Variants in KRAS observed in about 807,000 individuals in gnomAD.
The protein encoded by KRAS is KRas proto-oncogene, GTPase, also known as GTPase KRas.
KRAS carries 1 observed loss-of-function variant against 21.0 expected under a neutral mutation model. That is an observed-to-expected ratio of 0.05 (90% CI 0.02 to 0.23). The LOEUF (loss-of-function observed/expected upper bound fraction) is 0.23, where lower values mean the gene tolerates loss of function less well. Ranked by LOEUF, KRAS falls within the 10% of genes least tolerant of loss-of-function variation. The pLI is 1.00. For synonymous variants in KRAS, 67 were observed against 72.5 expected (o/e 0.92, Z 0.39); for missense variants, 107 against 221.8 (o/e 0.48, Z 3.29).
intron 4 of KRAS, among the ~76,000 whole-genome samples, chr12:25,223,346 A>T (rs1951351368): frequency 6.6e-6 from 1 of 152,180 alleles, no homozygotes; most frequent in Non-Finnish European, 1.5e-5. Context: ...AAATATTAGA[A>T]TCATGTTTTC....
chr12:25,244,107 T>C (rs997587347), intron 2 of KRAS, among the ~76,000 whole-genome samples: 1 of 152,182 alleles, frequency 6.6e-6, no homozygotes, highest in Admixed American at 6.5e-5. Flanking sequence ...GGCCACCCAA[T>C]GCCCTCAGAA....
chr12:25,209,994 ATATT>A, intron 4 of KRAS, 83 bp from the exon 5 acceptor site: 1 of 986,054 alleles, frequency 1.0e-6, no homozygotes. Flanking sequence ...AATGGAAAAA[ATATT>A]AAGAAAGGAT....
chr12:25,249,920 C>G (rs1951742934), intron 1 of KRAS, among the ~76,000 whole-genome samples: 1 of 152,190 alleles, frequency 6.6e-6, no homozygotes, highest in South Asian at 2.1e-4. Flanking sequence ...TTAACTTGAC[C>G]AAGCAAAACA....
In KRAS at chr12:25,207,063, T is replaced by C; in HGVS notation, c.*2732A>G. 1 of 211,556 alleles carries C rather than the reference T, an allele frequency of 4.7e-6. No homozygotes were observed. Among genetic ancestry groups the C allele is most frequent in the Non-Finnish European group, 9.6e-6 (1 of 104,274 alleles). 13.1% of individuals were successfully genotyped at this position (211,556 alleles called of 1,614,324 possible). A position where few individuals can be genotyped will look rare whatever the true frequency, so the allele number is the denominator to read the frequency against. On this transcript the variant is annotated 3_prime_UTR_variant, in exon 5 of 5. Transcript: ENST00000311936. ...CTGGCACAGAGACCAAACCCCTTCTTTGCAAAACTAAAATACGCATCGTGT... is the reference window on the plus strand; with the variant it reads ...CTGGCACAGAGACCAAACCCCTTCTCTGCAAAACTAAAATACGCATCGTGT...
chr12:25,236,611 A>G (rs1390495263), intron 2 of KRAS, among the ~76,000 whole-genome samples: 2 of 151,812 alleles, frequency 1.3e-5, no homozygotes, highest in African/African-American at 4.8e-5. Context: ...TGACTTCTAT[A>G]AATGTTAAAA....
rs929966481 is a variant in KRAS at position 25,207,266 on chromosome 12, A to C, written c.*2529T>G. 5.0e-6 allele frequency: 1 copy of C among 198,802 alleles called. No homozygotes were observed. Among genetic ancestry groups the C allele is most frequent in the Admixed American group, 6.0e-5 (1 of 16,534 alleles). The allele number at this position is 198,802 out of a possible 1,614,324, so 12.3% of individuals were successfully genotyped here. A position where few individuals can be genotyped will look rare whatever the true frequency, so the allele number is the denominator to read the frequency against. On this transcript the variant is annotated 3_prime_UTR_variant, in exon 5 of 5. Transcript: ENST00000311936. ...GCTGAATAAATGAGTTCTGCAAAAC[A>C]GGTTTATGAGGCCAAGGTGGGTGAA...
At position 25,218,839 on chromosome 12, in the gene KRAS, T is replaced by A. The variant is rs535541583; in HGVS notation, c.450+6775A>T. On this transcript the variant is annotated intron_variant, in intron 4 of 4. Transcript: ENST00000311936. ...ATATTTAATACCGACTGGCTACTCA[T>A]TAAGCTCTTAACTAGCACACAATAA... Among the ~76,000 whole-genome samples the A allele has an allele frequency of 1.1e-4, 16 of 152,328 alleles. No homozygotes were observed. The East Asian group carries it at 3.1e-3, about 29-fold the overall frequency.
Position 25,205,465 on chromosome 12 carries a change from C to A in KRAS, c.*4330G>T, listed in dbSNP as rs1951125837. ...AACAACTGGATCACACTGCATATGT[C>A]CCACAAAAGAAAGCACAATGTACAA... On this transcript the variant is annotated 3_prime_UTR_variant, in exon 5 of 5. Transcript: ENST00000311936. 4.6e-6 allele frequency: 1 copy of A among 215,592 alleles called. No individual in the cohort carries two copies. Among genetic ancestry groups the A allele is most frequent in the Non-Finnish European group, 9.4e-6 (1 of 106,916 alleles). 13.4% of individuals were successfully genotyped at this position (215,592 alleles called of 1,614,324 possible).
At chr12:25,241,396 A>C (rs1311959031) in intron 2 of KRAS, among the ~76,000 whole-genome samples, 2 of 152,202 alleles carry the variant, frequency 1.3e-5, no homozygotes, top group Admixed American at 6.5e-5. Context: ...AAGTGGGGAG[A>C]GCTTCACAGC....
chr12:25,225,316 ATATATATATATATATATATG>A (rs1951378390), intron 4 of KRAS: 1 of 38,042 alleles, frequency 2.6e-5, no homozygotes, highest in Non-Finnish European at 7.6e-5. Context: ...ATATATATAT[ATATATATATATATATATATG>A]TAACCATGGG....
At chr12:25,219,418 C>A (rs746485067) in intron 4 of KRAS, among the ~76,000 whole-genome samples, 1 of 152,172 alleles carries the variant, frequency 6.6e-6, no homozygotes, top group Non-Finnish European at 1.5e-5. Context: ...GCTATGGAAA[C>A]AAAGCACTCC....
intron 2 of KRAS, among the ~76,000 whole-genome samples, chr12:25,229,870 G>C (rs892887357): frequency 3.3e-5 from 5 of 151,742 alleles, no homozygotes; most frequent in African/African-American, 1.2e-4. Context: ...CTGGGCTCGA[G>C]TGATTCTCCT....
chr12:25,239,193 T>C (rs1333317941), intron 2 of KRAS, among the ~76,000 whole-genome samples: 1 of 152,248 alleles, frequency 6.6e-6, no homozygotes, highest in East Asian at 1.9e-4. Context: ...AAGCTATTTA[T>C]ATCTTTAGTA....
Position 25,213,610 on chromosome 12 carries a change from A to G in KRAS, c.451-3699T>C, listed in dbSNP as rs139985784. Among the ~76,000 whole-genome samples, 30 of 152,358 alleles carry G rather than the reference A, an allele frequency of 2.0e-4. No individual in the cohort carries two copies. In the East Asian group the frequency reaches 4.8e-3, roughly 24 times the overall value. ...TTAGTAGATTAGTACACCACGTAGT[A>G]TCTTTTGGGATTGAGTCTACTATTC... On this transcript the variant is annotated intron_variant, in intron 4 of 4. Transcript: ENST00000311936.
At chr12:25,211,233 A>G (rs1218925098) in intron 4 of KRAS, 2 of 152,230 alleles carry the variant, frequency 1.3e-5, no homozygotes, top group Non-Finnish European at 2.9e-5. Context: ...TATTAAAAAA[A>G]TTATATGTGT....
intron 1 of KRAS, among the ~76,000 whole-genome samples, chr12:25,245,675 A>C (rs1425202229): frequency 6.6e-6 from 1 of 152,202 alleles, no homozygotes; most frequent in Non-Finnish European, 1.5e-5. Context: ...AAGTTGTTCT[A>C]TCTAAATAGC....
chr12:25,208,326 CTTCAT>C lies in KRAS; in HGVS notation c.*1464_*1468del, dbSNP rs1220246050. 18 of 232,996 alleles carry C rather than the reference CTTCAT, an allele frequency of 7.7e-5. No individual in the cohort carries two copies. The highest frequency in any genetic ancestry group is 3.1e-4 in the African/African-American group (14 of 45,284). The allele number at this position is 232,996 out of a possible 1,614,324, so 14.4% of individuals were successfully genotyped here. ...ACTTTCACCTCACCATGCCATCTCA[CTTCAT>C]TTATTTTAAAATAAGTAACATTTTA... On this transcript the variant is annotated 3_prime_UTR_variant, in exon 5 of 5. Transcript: ENST00000311936.
chr12:25,227,486 A>C (rs1331270622), intron 2 of KRAS, 74 bp from the exon 3 acceptor site: 7 of 1,342,840 alleles, frequency 5.2e-6, no homozygotes, highest in Non-Finnish European at 7.3e-6. Context: ...TATACAACTC[A>C]ACAACAAAAA....
intron 4 of KRAS, chr12:25,215,091 TAAAAA>T (rs775121370): frequency 4.0e-4 from 35 of 87,756 alleles, no homozygotes; most frequent in Non-Finnish European, 5.7e-4. Flanking sequence ...TTCTCCCTAC[TAAAAA>T]AAAAAAAAAA....
Sources: allele counts gnomAD v4.1 joint callset (sites outside exome capture counted in the v4.1 genomes callset), GRCh38; gene constraint gnomAD v4.1.1; transcripts MANE v1.5; gene names NCBI Gene and HGNC (gene_info 2026-07-23, HGNC 2026-07-21).